Variants in DGKI observed in about 807,000 individuals in gnomAD.
DGKI encodes DAG kinase iota.
DGKI carries 55 observed loss-of-function variants against 147.5 expected under a neutral mutation model. The ratio of observed to expected loss-of-function variants is 0.37; its 90% CI spans 0.30 to 0.47. The LOEUF (loss-of-function observed/expected upper bound fraction) is 0.47, where lower values mean the gene tolerates loss of function less well. Ranked by LOEUF, DGKI falls within the 20% of genes least tolerant of loss-of-function variation. DGKI has a pLI of 1.00. For synonymous variants in DGKI, 469 were observed against 477.1 expected (o/e 0.98, Z 0.22); for missense variants, 1,007 against 1,323.8 (o/e 0.76, Z 3.71).
intron 21 of DGKI, chr7:137,493,669 A>C (rs1815854964): frequency 1.5e-6 from 1 of 684,886 alleles, no homozygotes; most frequent in Non-Finnish European, 2.6e-6. Flanking sequence ...ACAAAAACCA[A>C]AAAAACATCT....
chr7:137,738,000 G>A (rs555121410), intron 1 of DGKI, among the ~76,000 whole-genome samples: 35 of 152,218 alleles, frequency 2.3e-4, no homozygotes, highest in African/African-American at 7.0e-4. Context: ...AGTCTTTACC[G>A]TTTAGCAAGA....
At chr7:137,773,586 G>A (rs980714339) in intron 1 of DGKI, among the ~76,000 whole-genome samples, 3 of 152,048 alleles carry the variant, frequency 2.0e-5, no homozygotes, top group Non-Finnish European at 4.4e-5. Flanking sequence ...GAAAAGACAA[G>A]AAGCCAATTC....
chr7:137,643,680 T>C (rs922816300), intron 6 of DGKI, among the ~76,000 whole-genome samples: 2 of 152,176 alleles, frequency 1.3e-5, no homozygotes, highest in Non-Finnish European at 2.9e-5. Flanking sequence ...CTGAGAACAC[T>C]GGCAGGAAAG....
At position 137,686,959 on chromosome 7, in the gene DGKI, A is replaced by G. The variant is rs532038299; in HGVS notation, c.510+2935T>C. Among the ~76,000 whole-genome samples, 30 of 152,320 alleles carry G rather than the reference A, an allele frequency of 2.0e-4. 1 individual carries two copies. Among genetic ancestry groups the G allele is most frequent in the African/African-American group, 7.2e-4 (30 of 41,576 alleles). On this transcript the variant is annotated intron_variant, in intron 2 of 32. Transcript: ENST00000614521. ...ACTCTGACTTTGCAACTTCAGACAC[A>G]CCATGAACGTTTTTTTTAATCTTTT...
chr7:137,578,051 AG>A (rs1460867164), intron 16 of DGKI, among the ~76,000 whole-genome samples: 11 of 152,320 alleles, frequency 7.2e-5, no homozygotes, highest in African/African-American at 2.4e-4. Flanking sequence ...CTTGCTTAAA[AG>A]CTCAGAGATG....
intron 14 of DGKI, among the ~76,000 whole-genome samples, chr7:137,582,393 C>T (rs1819230111): frequency 1.3e-5 from 2 of 151,086 alleles, no homozygotes; most frequent in African/African-American, 4.9e-5. Context: ...GAATATTTAA[C>T]TTGTTTATCC....
chr7:137,790,883 C>A (rs2116925069), intron 1 of DGKI, among the ~76,000 whole-genome samples: 1 of 152,248 alleles, frequency 6.6e-6, no homozygotes, highest in African/African-American at 2.4e-5. Context: ...AGTTGCATTC[C>A]CCTCAAAGGA....
At chr7:137,474,930 A>C (rs753932559) in intron 23 of DGKI, among the ~76,000 whole-genome samples, 1 of 152,206 alleles carries the variant, frequency 6.6e-6, no homozygotes, top group Non-Finnish European at 1.5e-5. Context: ...AAATGGCTAC[A>C]ATAATATCTA....
chr7:137,720,959 G>A (rs764263440), intron 1 of DGKI, among the ~76,000 whole-genome samples: 9 of 152,156 alleles, frequency 5.9e-5, no homozygotes, highest in East Asian at 1.9e-4. Flanking sequence ...ACTATGTTAC[G>A]TGTTTACAAG....
chr7:137,581,733 T>C (rs1819200358), intron 15 of DGKI, 117 bp downstream of exon 15: 3 of 836,922 alleles, frequency 3.6e-6, no homozygotes, highest in Non-Finnish European at 5.7e-6. Flanking sequence ...AAGGTTAAAA[T>C]GAAACAACAC....
chr7:137,643,993 TACTGTTACCCTCACATGCATGCAC>T (rs1307177161), intron 6 of DGKI, among the ~76,000 whole-genome samples: 1 of 152,168 alleles, frequency 6.6e-6, no homozygotes, highest in Non-Finnish European at 1.5e-5. Context: ...GGCTGCAGCA[TACTGTTACCCTCACATGCATGCAC>T]ACACACACAC....
chr7:137,618,339 G>A (rs1456861928), intron 8 of DGKI, among the ~76,000 whole-genome samples: 3 of 149,546 alleles, frequency 2.0e-5, no homozygotes, highest in Non-Finnish European at 4.4e-5. Context: ...ACAGTTCCAC[G>A]GATATAATTT....
intron 23 of DGKI, among the ~76,000 whole-genome samples, chr7:137,472,362 A>G (rs1271831977): frequency 4.1e-4 from 49 of 118,124 alleles, no homozygotes; most frequent in African/African-American, 1.9e-3. Flanking sequence ...ATGTATATAT[A>G]CATATAATTA....
chr7:137,535,413 A>G (rs955819658), intron 20 of DGKI, among the ~76,000 whole-genome samples: 4 of 152,174 alleles, frequency 2.6e-5, no homozygotes, highest in Non-Finnish European at 5.9e-5. Context: ...GTATCTCTAA[A>G]GTCAGATTTC....
chr7:137,655,989 A>G (rs1487191765), intron 4 of DGKI, among the ~76,000 whole-genome samples: 1 of 152,214 alleles, frequency 6.6e-6, no homozygotes, highest in African/African-American at 2.4e-5. Flanking sequence ...GAGCAGCAAC[A>G]GGAGGAGCAC....
At chr7:137,725,423 C>G (rs1486453828) in intron 1 of DGKI, among the ~76,000 whole-genome samples, 1 of 152,130 alleles carries the variant, frequency 6.6e-6, no homozygotes, top group African/African-American at 2.4e-5. Context: ...TTTTATGCCT[C>G]TACCATTCTC....
chr7:137,639,654 T>A (rs537751086), intron 6 of DGKI, among the ~76,000 whole-genome samples: 2 of 152,122 alleles, frequency 1.3e-5, no homozygotes, highest in South Asian at 2.1e-4. Context: ...GGTAGACAAG[T>A]GGGCGGGAAC....
chr7:137,398,404 T>C (rs556006685), intron 30 of DGKI, among the ~76,000 whole-genome samples: 3 of 152,326 alleles, frequency 2.0e-5, no homozygotes, highest in South Asian at 2.1e-4. Context: ...CATTCCTTGG[T>C]GTCTAGTGTA....
At position 137,752,419 on chromosome 7, in the gene DGKI, G is replaced by A. The variant is rs187452165; in HGVS notation, c.402-62417C>T. ...CTTAGAACAAAATGTACGGAATTCC[G>A]CTAAGGGAGGAGACCACCCCTCATA... is the stretch of plus-strand genomic sequence containing the variant. On this transcript the variant is annotated intron_variant, in intron 1 of 32. Coordinates refer to ENST00000614521, the MANE Select transcript of DGKI (RefSeq NM_001321708.2). Among the ~76,000 whole-genome samples the A allele has an allele frequency of 2.0e-3, 303 of 152,216 alleles. 1 individual carries two copies. Among genetic ancestry groups the A allele is most frequent in the African/African-American group, 7.1e-3 (293 of 41,540 alleles).
Sources: gnomAD v4.1 joint callset for allele counts (sites outside exome capture counted in the v4.1 genomes callset) on GRCh38, gnomAD v4.1.1 for gene constraint, MANE v1.5 for transcripts, NCBI Gene and HGNC (gene_info 2026-07-23, HGNC 2026-07-21) for gene names.